EBF3: variants seen among roughly 807,000 people sequenced by gnomAD.
The protein encoded by EBF3 is EBF transcription factor 3, also known as transcription factor COE3.
A neutral mutation model predicts 77.1 loss-of-function variants in EBF3; 18 were observed. The observed-to-expected ratio is 0.23, with a 90% CI of 0.16 to 0.35. The LOEUF is 0.35. EBF3 is among the 10% of genes least tolerant of loss of function. The pLI is 1.00. For synonymous variants in EBF3, 350 were observed against 343.5 expected, an observed-to-expected ratio of 1.02 and a Z score of -0.21; for missense variants, 558 against 860.0, an observed-to-expected ratio of 0.65 and a Z score of 4.39.
At chr10:129,865,394 C>T (rs1054237768) in intron 10 of EBF3, among the ~76,000 whole-genome samples, 3 of 152,288 alleles carry the variant, frequency 2.0e-5, no homozygotes, top group Non-Finnish European at 4.4e-5. Context: ...CCTAGAGGAG[C>T]AGCCCTCTCT....
At position 129,873,549 on chromosome 10, in the gene EBF3, C is replaced by T; in HGVS notation, c.684G>A (p.Val228=). The T allele has an allele frequency of 6.3e-7, 1 of 1,585,194 alleles. No individual in the cohort carries two copies. Among genetic ancestry groups the T allele is most frequent in the Admixed American group, 1.8e-5 (1 of 56,986 alleles). The change falls in exon 8 of 17, where the codon GTG becomes GTA. Residue 228 remains valine (V), a synonymous_variant. Transcript: ENST00000440978. ...TGTTGTGCACAAACATGTTGTCTGA[C>T]ACGGCCAGCACGTGGCCGTCCACGT... is the stretch of plus-strand genomic sequence containing the variant. The part of the protein sequence containing the change: ...TVNVDGHVLA[V]SDNMFVHNNS...
chr10:129,940,163 C>A (rs1032576867), intron 6 of EBF3, among the ~76,000 whole-genome samples: 8 of 152,226 alleles, frequency 5.3e-5, no homozygotes, highest in Non-Finnish European at 1.2e-4. Context: ...CCAGCTGCTT[C>A]CCTGCACAGG....
rs1185999612 is a variant in EBF3 at position 129,906,537 on chromosome 10, G to GT, written c.555-28689dup. On this transcript the variant is annotated intron_variant, in intron 6 of 16. Transcript: ENST00000440978. ...CTTCTGGGTGCTGTCACACCCTCCT[G>GT]TGAGTCTAGGGAGAGGACAGTCCCT... Among the ~76,000 whole-genome samples the GT allele has an allele frequency of 5.3e-5, 8 of 152,334 alleles. No homozygotes were observed. The South Asian group carries it at 1.7e-3, about 32-fold the overall frequency.
Position 129,837,836 on chromosome 10 carries a change from T to C in EBF3, c.*107A>G. The C allele has an allele frequency of 6.9e-7, 1 of 1,458,982 alleles. No homozygotes were observed. The highest frequency in any genetic ancestry group is 9.5e-7 in the Non-Finnish European group (1 of 1,051,364). The allele number at this position is 1,458,982 out of a possible 1,614,324, so 90.4% of individuals were successfully genotyped here. On this transcript the variant is annotated 3_prime_UTR_variant, in exon 17 of 17. Transcript: ENST00000440978. Reference sequence around the variant, plus strand: ...CAATTGCTGCTGATTTTTTTGAAGATACTGTTTCCATCAGCATGTCTTAAT... The same window carrying C: ...CAATTGCTGCTGATTTTTTTGAAGACACTGTTTCCATCAGCATGTCTTAAT...
intron 6 of EBF3, among the ~76,000 whole-genome samples, chr10:129,950,201 C>A (rs1461350249): frequency 6.6e-6 from 1 of 152,164 alleles, no homozygotes; most frequent in Non-Finnish European, 1.5e-5. Flanking sequence ...AACACAACCG[C>A]GAGCCCCTTC....
In EBF3 at chr10:129,837,908, CG is replaced by C. The variant is rs1564810161; in HGVS notation, c.*34del. The C allele has an allele frequency of 3.7e-6, 6 of 1,613,942 alleles. No individual in the cohort carries two copies. The Admixed American group carries it at 1.0e-4, about 27-fold the overall frequency. On this transcript the variant is annotated 3_prime_UTR_variant, in exon 17 of 17. Transcript: ENST00000440978. ...GTCCGTCCTTTGATGCTGGGTGCTG[CG>C]GAAGGTAAACAGAAGTCCCTCACAT...
intron 6 of EBF3, among the ~76,000 whole-genome samples, chr10:129,899,713 G>T (rs867952312): frequency 6.6e-6 from 1 of 152,040 alleles, no homozygotes; most frequent in African/African-American, 2.4e-5. Flanking sequence ...CGCCAGCACC[G>T]TGCGTGAAAA....
At chr10:129,875,947 G>A (rs573234010) in intron 7 of EBF3, among the ~76,000 whole-genome samples, 8 of 152,380 alleles carry the variant, frequency 5.3e-5, no homozygotes, top group South Asian at 2.1e-4. Flanking sequence ...GCAAAGATGC[G>A]TAACTAACAC....
rs138251501 is a variant in EBF3, at chr10:129,929,850, G to A, written c.554+27408C>T. 4.2e-3 allele frequency among the ~76,000 whole-genome samples: 639 copies of A among 152,344 alleles called. 5 individuals carry two copies. The highest frequency in any genetic ancestry group is 0.021 in the South Asian group (101 of 4,824). ...TTTGTTTTAGGTGTCAACATGACTA[G>A]ATTAAGGAATACTTAGAGAACTGGT... On this transcript the variant is annotated intron_variant, in intron 6 of 16. Transcript: ENST00000440978.
chr10:129,906,473 C>T (rs568178672), intron 6 of EBF3, among the ~76,000 whole-genome samples: 1 of 152,318 alleles, frequency 6.6e-6, no homozygotes, highest in African/African-American at 2.4e-5. Context: ...TCTGCACTGG[C>T]AGGGGGCTCT....
In EBF3 at chr10:129,841,101, C is replaced by G. The variant is rs578047240; in HGVS notation, c.1373-69G>C. ...CGACAGACACTTGGGGGGGGTTCCC[C>G]GAGAATCTATATCATATATTAACAT... On this transcript the variant is annotated intron_variant, in intron 13 of 16. Transcript: ENST00000440978. This position sits in a 1 kb window ranked among gnomAD's most constrained non-coding sequence, Gnocchi z 4.6. 6 of 1,570,592 alleles carry G rather than the reference C, an allele frequency of 3.8e-6. No homozygotes were observed. Among genetic ancestry groups the G allele is most frequent in the Non-Finnish European group, 4.3e-6 (5 of 1,158,588 alleles).
At position 129,851,821 on chromosome 10, in the gene EBF3, T is replaced by A. The variant is rs79985651; in HGVS notation, c.1040-3341A>T. ...CTGTGAAATATCTCTTTATTAACCG[T>A]GCCATAAGATATTAACATTCCTCAT... is the stretch of plus-strand genomic sequence containing the variant. On this transcript the variant is annotated intron_variant, in intron 10 of 16. Coordinates refer to ENST00000440978, the MANE Select transcript of EBF3 (RefSeq NM_001375380.1). Among the ~76,000 whole-genome samples the A allele has an allele frequency of 7.1e-4, 108 of 152,348 alleles. 1 individual carries two copies. The East Asian group carries it at 0.019, about 27-fold the overall frequency.
At chr10:129,907,317 G>A (rs559986349) in intron 6 of EBF3, among the ~76,000 whole-genome samples, 2 of 152,324 alleles carry the variant, frequency 1.3e-5, no homozygotes, top group African/African-American at 4.8e-5. Context: ...GATATTCACT[G>A]CTGATCAAAG....
chr10:129,962,841 A>C, intron 3 of EBF3, 101 bp downstream of exon 3: 1 of 1,388,380 alleles, frequency 7.2e-7, no homozygotes, highest in East Asian at 2.3e-5. Flanking sequence ...TTTCGTGTTT[A>C]CATCCATGTC....
chr10:129,841,958 A>G lies in EBF3; in HGVS notation c.1372+158T>C, dbSNP rs746302495. 6.6e-6 allele frequency among the ~76,000 whole-genome samples: 1 copy of G among 152,206 alleles called. No homozygotes were observed. The highest frequency in any genetic ancestry group is 1.5e-5 in the Non-Finnish European group (1 of 68,038). On this transcript the variant is annotated intron_variant, in intron 13 of 16. Coordinates refer to ENST00000440978, the MANE Select transcript of EBF3 (RefSeq NM_001375380.1). The surrounding 1 kb of genome is among the most constrained non-coding windows in gnomAD (Gnocchi z 4.6). ...CCCAGCACTGGCTGGGAGGACCTGC[A>G]GCAAGGTCTTCCTGAGCAAAGGAAC...
rs1427511418 is a variant in EBF3, at chr10:129,842,203, G to T, written c.1285C>A (p.Pro429Thr). The stretch of plus-strand genomic sequence containing the variant: ...ACGCCCATCATGCCCGTGTGTGCAG[G>T]GTTGTTGCCCAGGGTGGGGATCTGG... ...HNQIPTLGNN[P>T]AHTGMMGVNS... Residue 429 changes from proline (P) to threonine (T), a missense_variant, in exon 13 of 17, where the codon CCT becomes ACT. Around this residue, in one of 5 missense-constraint regions of EBF3, gnomAD observed 284 missense variants for 368.3 expected, o/e 0.77. Transcript: ENST00000440978. The surrounding 1 kb of genome is among the most constrained non-coding windows in gnomAD (Gnocchi z 4.4). The T allele has an allele frequency of 6.2e-7, 1 of 1,614,134 alleles. No homozygotes were observed. Among genetic ancestry groups the T allele is most frequent in the Non-Finnish European group, 8.5e-7 (1 of 1,180,062 alleles).
At position 129,848,242 on chromosome 10, in the gene EBF3, G is replaced by A. The variant is rs963039462; in HGVS notation, c.1128+150C>T. 1.2e-4 allele frequency: 94 copies of A among 794,054 alleles called. No individual in the cohort carries two copies. The highest frequency in any genetic ancestry group is 1.7e-4 in the Non-Finnish European group (82 of 469,842). The allele number at this position is 794,054 out of a possible 1,614,324, so 49.2% of individuals were successfully genotyped here. On this transcript the variant is annotated intron_variant, in intron 11 of 16. Transcript: ENST00000440978. This position sits in a 1 kb window ranked among gnomAD's most constrained non-coding sequence, Gnocchi z 4.4. Reference sequence around the variant, plus strand: ...CTGAAGCTGGTCAGGTGCGGGCCCGGGCAGCTCCTCACACCTGTCGGCCCT... The same window carrying A: ...CTGAAGCTGGTCAGGTGCGGGCCCGAGCAGCTCCTCACACCTGTCGGCCCT...
intron 6 of EBF3, among the ~76,000 whole-genome samples, chr10:129,907,012 T>A (rs1321639095): frequency 6.6e-6 from 1 of 152,194 alleles, no homozygotes; most frequent in Admixed American, 6.5e-5. Flanking sequence ...TCTCCATACT[T>A]CTCACTTATG....
Position 129,963,235 on chromosome 10 carries a change from A to T in EBF3, c.291+132T>A. ...GCCCTCGGCGGTCCCGGGCGGCCGC[A>T]CGTGGCGGCGGCGGGGTGGCCTGGC... On this transcript the variant is annotated intron_variant, in intron 2 of 16. Transcript: ENST00000440978. The surrounding 1 kb of genome is among the most constrained non-coding windows in gnomAD (Gnocchi z 7.1). The T allele has an allele frequency of 1.5e-6, 2 of 1,321,192 alleles. No homozygotes were observed. The highest frequency in any genetic ancestry group is 2.0e-6 in the Non-Finnish European group (2 of 1,007,768). The allele number at this position is 1,321,192 out of a possible 1,614,324, so 81.8% of individuals were successfully genotyped here.
Sources: gnomAD v4.1 joint callset for allele counts (sites outside exome capture counted in the v4.1 genomes callset) on GRCh38, gnomAD v4.1.1 for gene constraint, gnomAD v4.1.1 regional missense constraint, Gnocchi (gnomAD v3.1) non-coding constraint, MANE v1.5 for transcripts, NCBI Gene and HGNC (gene_info 2026-07-23, HGNC 2026-07-21) for gene names.